MYO16: variants seen among roughly 807,000 people sequenced by gnomAD.
MYO16 encodes myosin XVI.
MYO16 carries 94 observed loss-of-function variants against 205.3 expected under a neutral mutation model. The ratio of observed to expected loss-of-function variants is 0.46; its 90% confidence interval spans 0.39 to 0.54. The LOEUF (loss-of-function observed/expected upper bound fraction) is 0.54. Among genes scored for constraint, MYO16 ranks in the 20% least tolerant of loss-of-function variants. The pLI is 0.00. For synonymous variants in MYO16, 988 were observed against 954.0 expected, an observed-to-expected ratio of 1.04 and a Z score of -0.66; for missense variants, 2,315 against 2,387.5, an observed-to-expected ratio of 0.97 and a Z score of 0.63.
intron 9 of MYO16, among the ~76,000 whole-genome samples, chr13:108,836,892 GA>G (rs1222961793): frequency 6.6e-6 from 1 of 152,158 alleles, no homozygotes; most frequent in African/African-American, 2.4e-5. Flanking sequence ...AGATGGTGGG[GA>G]CTTACCTTGA....
chr13:108,611,059 G>A (rs963938147), intron 1 of MYO16, among the ~76,000 whole-genome samples: 8 of 152,084 alleles, frequency 5.3e-5, no homozygotes, highest in African/African-American at 1.9e-4. Context: ...TATCCATTAG[G>A]TATCACATAT....
chr13:109,104,377 G>A (rs965199990), intron 28 of MYO16, among the ~76,000 whole-genome samples: 6 of 152,094 alleles, frequency 3.9e-5, no homozygotes, highest in African/African-American at 1.4e-4. Flanking sequence ...AGCAAATGAA[G>A]GAAAAACAAG....
intron 23 of MYO16, among the ~76,000 whole-genome samples, chr13:109,023,688 TATATATGTATATATGTATATA>T (rs1886230227): frequency 1.0e-5 from 1 of 100,256 alleles, no homozygotes; most frequent in Non-Finnish European, 2.2e-5. Context: ...TATATATACA[TATATATGTATATATGTATATA>T]TACAAATATA....
chr13:108,759,627 C>T (rs1294509888), intron 4 of MYO16, among the ~76,000 whole-genome samples: 5 of 152,066 alleles, frequency 3.3e-5, no homozygotes, highest in African/African-American at 4.8e-5. Flanking sequence ...TGAGACCATC[C>T]TGGCTAACAC....
At chr13:108,831,132 C>A (rs984514812) in intron 9 of MYO16, among the ~76,000 whole-genome samples, 1 of 152,000 alleles carries the variant, frequency 6.6e-6, no homozygotes, top group African/African-American at 2.4e-5. Flanking sequence ...TTAGTCACCT[C>A]GTAAAACCCC....
chr13:108,880,774 T>A (rs532093206), intron 12 of MYO16, among the ~76,000 whole-genome samples: 1 of 152,300 alleles, frequency 6.6e-6, no homozygotes, highest in East Asian at 1.9e-4. Flanking sequence ...AGCCTTGTAG[T>A]ATAGTTTGAA....
chr13:109,023,725 A>C (rs1566468472), intron 23 of MYO16, among the ~76,000 whole-genome samples: 1 of 133,320 alleles, frequency 7.5e-6, no homozygotes, highest in South Asian at 2.3e-4. Context: ...ATATATGTAT[A>C]TATGCATATA....
At chr13:109,117,517 A>G (rs529694510) in intron 28 of MYO16, among the ~76,000 whole-genome samples, 33 of 148,356 alleles carry the variant, frequency 2.2e-4, no homozygotes, top group African/African-American at 4.4e-4. Flanking sequence ...ATATGTATGT[A>G]TATATATATA....
At chr13:108,999,532 A>G (rs1885144820) in intron 21 of MYO16, among the ~76,000 whole-genome samples, 1 of 152,206 alleles carries the variant, frequency 6.6e-6, no homozygotes. Context: ...ACCTCTTACA[A>G]TCATATTGGA....
At chr13:108,665,543 A>G (rs1881685601) in intron 1 of MYO16, among the ~76,000 whole-genome samples, 1 of 152,228 alleles carries the variant, frequency 6.6e-6, no homozygotes, top group South Asian at 2.1e-4. Flanking sequence ...CAAAATTAGT[A>G]TTACTCAATT....
intron 20 of MYO16, among the ~76,000 whole-genome samples, chr13:108,969,129 G>A (rs992319575): frequency 2.0e-5 from 3 of 152,100 alleles, no homozygotes; most frequent in African/African-American, 4.8e-5. Flanking sequence ...TAGTGTTTTC[G>A]AGAGTATAGC....
chr13:108,813,698 TA>T (rs950647027), intron 7 of MYO16, among the ~76,000 whole-genome samples: 15 of 152,146 alleles, frequency 9.9e-5, no homozygotes, highest in African/African-American at 3.4e-4. Context: ...ACACAACACA[TA>T]CACACTCTCT....
chr13:109,175,139 T>C (rs1879111048), intron 33 of MYO16, among the ~76,000 whole-genome samples: 1 of 152,118 alleles, frequency 6.6e-6, no homozygotes, highest in Non-Finnish European at 1.5e-5. Context: ...CTTTTCAAAA[T>C]TACTTCTTTA....
In MYO16 at chr13:108,649,170, C is replaced by T. The variant is rs375649332; in HGVS notation, c.29-16716C>T. Among the ~76,000 whole-genome samples, 15 of 152,062 alleles carry T rather than the reference C, an allele frequency of 9.9e-5. No individual in the cohort carries two copies. The South Asian group carries it at 2.7e-3, about 27-fold the overall frequency. On this transcript the variant is annotated intron_variant, in intron 1 of 34. Transcript: ENST00000457511. ...AGCACACCAATATGGCGCATGGATACGTATGTAACTAACCTGCACGTTGTG... is the reference window on the plus strand; with the variant it reads ...AGCACACCAATATGGCGCATGGATATGTATGTAACTAACCTGCACGTTGTG...
intron 2 of MYO16, among the ~76,000 whole-genome samples, chr13:108,688,561 G>C (rs1045194234): frequency 3.3e-5 from 5 of 152,246 alleles, no homozygotes; most frequent in African/African-American, 1.2e-4. Flanking sequence ...AGCTAGAGCT[G>C]CTCCACAATT....
chr13:109,018,342 G>T (rs1885899800), intron 22 of MYO16, among the ~76,000 whole-genome samples: 1 of 152,168 alleles, frequency 6.6e-6, no homozygotes, highest in African/African-American at 2.4e-5. Flanking sequence ...ATTGCTGCCT[G>T]ATCCTTCCTC....
chr13:108,647,254 C>T (rs7989723), intron 1 of MYO16, among the ~76,000 whole-genome samples: 20,816 of 151,854 alleles, frequency 0.14, 2,792 homozygotes, highest in African/African-American at 0.34. Context: ...TTTTTTTGTT[C>T]GAACTCAGAC....
chr13:109,089,179 TG>T (rs1234646810), intron 27 of MYO16, among the ~76,000 whole-genome samples: 2 of 145,270 alleles, frequency 1.4e-5, no homozygotes, highest in African/African-American at 2.5e-5. Context: ...TTGCCTTTTT[TG>T]TTTTCTGCAT....
chr13:109,153,396 G>T (rs80179416), intron 32 of MYO16, among the ~76,000 whole-genome samples: 1 of 82,762 alleles, frequency 1.2e-5, no homozygotes, highest in South Asian at 3.8e-4. Flanking sequence ...AATAGCTATA[G>T]ATATATAGAT....
Sources: gnomAD v4.1 joint callset for allele counts (sites outside exome capture counted in the v4.1 genomes callset) on GRCh38, gnomAD v4.1.1 for gene constraint, MANE v1.5 for transcripts, NCBI Gene and HGNC (gene_info 2026-07-23, HGNC 2026-07-21) for gene names.